The following GRM1 variants were observed in gnomAD, a reference collection of about 807,000 sequenced individuals.
GRM1 encodes metabotropic glutamate receptor 1.
In GRM1, 33 loss-of-function variants were observed where a neutral mutation model predicts 90.9. The ratio of observed to expected loss-of-function variants is 0.36; its 90% CI spans 0.28 to 0.49. The LOEUF (loss-of-function observed/expected upper bound fraction) is 0.49. Among genes scored for constraint, GRM1 ranks in the 20% least tolerant of loss-of-function variants. The pLI, the probability that GRM1 is intolerant of heterozygous loss-of-function variation, is 0.99. For synonymous variants in GRM1, 700 were observed against 613.2 expected (o/e 1.14, Z -2.09); for missense variants, 1,190 against 1,534.3 (o/e 0.78, Z 3.75).
chr6:146,358,564 G>A lies in GRM1; in HGVS notation c.1602+870G>A, dbSNP rs984727100. On this transcript the variant is annotated intron_variant, in intron 5 of 7. Coordinates refer to ENST00000282753, the MANE Select transcript of GRM1 (RefSeq NM_001278064.2). Reference sequence around the variant, plus strand: ...CAGCTGGAGCTGGGGTAGATCAGGCGTGAGGCTCTGGCTCCTGCCATGCTG... The same window carrying A: ...CAGCTGGAGCTGGGGTAGATCAGGCATGAGGCTCTGGCTCCTGCCATGCTG... Among the ~76,000 whole-genome samples the A allele has an allele frequency of 3.9e-5, 6 of 152,280 alleles. No individual in the cohort carries two copies. In the South Asian group the frequency reaches 6.2e-4, roughly 16 times the overall value.
rs759471871 is a variant in GRM1 at position 146,352,502 on chromosome 6, C to G, written c.1433+6C>G. On this transcript the variant is annotated splice_donor_region_variant and intron_variant, in intron 4 of 7. Transcript: ENST00000282753. ...AAAGGAGACGCTCCTGGAAGGTAAT[C>G]TTTTCAGTAATCAATCTAAGTAACC... 6.2e-7 allele frequency: 1 copy of G among 1,613,244 alleles called. No individual in the cohort carries two copies. The highest frequency in any genetic ancestry group is 8.5e-7 in the Non-Finnish European group (1 of 1,179,560).
At chr6:146,329,934 T>C (rs546641900) in intron 3 of GRM1, among the ~76,000 whole-genome samples, 5 of 152,346 alleles carry the variant, frequency 3.3e-5, no homozygotes, top group African/African-American at 1.2e-4. Context: ...TGTGTATATC[T>C]TAAGTCAAAC....
intron 6 of GRM1, among the ~76,000 whole-genome samples, chr6:146,398,017 A>G (rs1042148834): frequency 2.6e-5 from 4 of 152,228 alleles, no homozygotes; most frequent in Admixed American, 6.5e-5. Flanking sequence ...ACTCTGAAAT[A>G]CAAAATACAT....
intron 2 of GRM1, among the ~76,000 whole-genome samples, chr6:146,173,088 A>G (rs756791930): frequency 6.6e-6 from 1 of 152,084 alleles, no homozygotes; most frequent in Non-Finnish European, 1.5e-5. Flanking sequence ...AAGTTCTTTG[A>G]CTGGAAAACT....
intron 3 of GRM1, among the ~76,000 whole-genome samples, chr6:146,327,612 A>T (rs1028155306): frequency 1.3e-5 from 2 of 152,160 alleles, no homozygotes; most frequent in Non-Finnish European, 2.9e-5. Context: ...GTAATGACTA[A>T]GTGTATTTCA....
At chr6:146,144,992 C>T (rs915029876) in intron 1 of GRM1, among the ~76,000 whole-genome samples, 3 of 152,098 alleles carry the variant, frequency 2.0e-5, no homozygotes, top group African/African-American at 7.2e-5. Flanking sequence ...GTGTTCATGC[C>T]CAAGGGCTTT....
intron 3 of GRM1, among the ~76,000 whole-genome samples, chr6:146,343,658 T>TTTATTATTG (rs1554298985): frequency 4.7e-5 from 7 of 148,396 alleles, no homozygotes; most frequent in African/African-American, 1.8e-4. Context: ...GTTGTTTTTA[T>TTTATTATTG]TTATTATTAT....
chr6:146,145,395 C>G (rs1583067461), intron 1 of GRM1, among the ~76,000 whole-genome samples: 1 of 152,262 alleles, frequency 6.6e-6, no homozygotes, highest in East Asian at 1.9e-4. Flanking sequence ...CAGAATATTC[C>G]CAGGGGACAG....
At chr6:146,261,588 C>G (rs894570619) in intron 2 of GRM1, among the ~76,000 whole-genome samples, 7 of 152,068 alleles carry the variant, frequency 4.6e-5, no homozygotes, top group African/African-American at 1.7e-4. Flanking sequence ...TAATTGAGAA[C>G]TAGTTGGCAT....
intron 2 of GRM1, among the ~76,000 whole-genome samples, chr6:146,264,514 T>C (rs1371195771): frequency 6.6e-6 from 1 of 152,036 alleles, no homozygotes; most frequent in African/African-American, 2.4e-5. Flanking sequence ...TTTTTGTTGT[T>C]TTTGTTTTTG....
intron 2 of GRM1, among the ~76,000 whole-genome samples, chr6:146,166,180 C>A (rs1017054686): frequency 2.0e-5 from 3 of 152,124 alleles, no homozygotes; most frequent in African/African-American, 7.2e-5. Context: ...GTTTAAATCA[C>A]AATCAGCAGA....
chr6:146,155,056 CT>C (rs1777473000), intron 1 of GRM1, among the ~76,000 whole-genome samples: 1 of 152,094 alleles, frequency 6.6e-6, no homozygotes, highest in Non-Finnish European at 1.5e-5. Context: ...ACAAATGCAC[CT>C]TTGCTGTGCA....
chr6:146,265,631 G>A (rs1781856100), intron 2 of GRM1, among the ~76,000 whole-genome samples: 2 of 152,060 alleles, frequency 1.3e-5, no homozygotes, highest in South Asian at 4.1e-4. Flanking sequence ...ACTTTTTCCT[G>A]GGTTTTCTTG....
chr6:146,400,391 A>T (rs966016671), intron 7 of GRM1, among the ~76,000 whole-genome samples: 1 of 151,784 alleles, frequency 6.6e-6, no homozygotes, highest in Admixed American at 6.6e-5. Flanking sequence ...TCTTAGTCAT[A>T]AAGCACCAAA....
At chr6:146,334,602 A>C (rs1201861339) in intron 3 of GRM1, among the ~76,000 whole-genome samples, 1 of 152,170 alleles carries the variant, frequency 6.6e-6, no homozygotes, top group Admixed American at 6.6e-5. Flanking sequence ...TTTGTTACTG[A>C]AAGTTGCATT....
intron 2 of GRM1, among the ~76,000 whole-genome samples, chr6:146,221,357 G>C (rs185115363): frequency 2.6e-5 from 4 of 151,818 alleles, no homozygotes; most frequent in African/African-American, 9.7e-5. Flanking sequence ...CCTCCCACCC[G>C]CTGACAGGCC....
intron 2 of GRM1, among the ~76,000 whole-genome samples, chr6:146,235,982 C>T (rs527966382): frequency 6.6e-6 from 1 of 151,830 alleles, no homozygotes; most frequent in Admixed American, 6.6e-5. Context: ...GAAAGATATG[C>T]CATTTTTGGT....
chr6:146,434,956 T>C lies in GRM1; in HGVS notation c.*160T>C. ...CCGCTACTGCTGCTGCTGCCTTAAGTAGGAAGAGAGGGAAGGACACCAAGC... is the reference window on the plus strand; with the variant it reads ...CCGCTACTGCTGCTGCTGCCTTAAGCAGGAAGAGAGGGAAGGACACCAAGC... On this transcript the variant is annotated 3_prime_UTR_variant, in exon 8 of 8. Transcript: ENST00000282753. 1.4e-6 allele frequency: 1 copy of C among 715,424 alleles called. No individual in the cohort carries two copies. Among genetic ancestry groups the C allele is most frequent in the Non-Finnish European group, 2.5e-6 (1 of 404,544 alleles). 44.3% of individuals were successfully genotyped at this position (715,424 alleles called of 1,614,324 possible). A position where few individuals can be genotyped will look rare whatever the true frequency, so the allele number is the denominator to read the frequency against.
At chr6:146,252,694 G>C (rs1187719200) in intron 2 of GRM1, among the ~76,000 whole-genome samples, 2 of 152,100 alleles carry the variant, frequency 1.3e-5, no homozygotes, top group Non-Finnish European at 2.9e-5. Context: ...GAAATTTTAC[G>C]TAGTTGAAAA....
Sources: allele counts gnomAD v4.1 joint callset (sites outside exome capture counted in the v4.1 genomes callset), GRCh38; gene constraint gnomAD v4.1.1; transcripts MANE v1.5; gene names NCBI Gene and HGNC (gene_info 2026-07-23, HGNC 2026-07-21).